STT3B: variants seen among roughly 807,000 people sequenced by gnomAD.
STT3B encodes dolichyl-diphosphooligosaccharide--protein glycosyltransferase subunit STT3B.
A neutral mutation model predicts 96.8 loss-of-function variants in STT3B; 29 were observed. The observed-to-expected ratio is 0.30, with a 90% CI of 0.22 to 0.41. The LOEUF is 0.41. STT3B is among the 10% of genes least tolerant of loss of function. STT3B has a pLI of 1.00. For synonymous variants in STT3B, 367 were observed against 360.0 expected (o/e 1.02, Z -0.22); for missense variants, 640 against 1,022.3 (o/e 0.63, Z 5.10).
intron 14 of STT3B, among the ~76,000 whole-genome samples, chr3:31,630,293 G>C (rs950062501): frequency 6.6e-6 from 1 of 152,298 alleles, no homozygotes; most frequent in South Asian, 2.1e-4. Context: ...CCCAGAGAAA[G>C]CACCAGAGGA....
intron 1 of STT3B, among the ~76,000 whole-genome samples, chr3:31,556,099 A>C (rs962636392): frequency 6.0e-5 from 9 of 149,450 alleles, no homozygotes; most frequent in African/African-American, 2.0e-4. Flanking sequence ...TGTCTACCTC[A>C]CTGAGATCAA....
At chr3:31,563,867 G>A (rs1050519726) in intron 1 of STT3B, among the ~76,000 whole-genome samples, 18 of 152,008 alleles carry the variant, frequency 1.2e-4, no homozygotes, top group African/African-American at 2.4e-4. Flanking sequence ...TGTAGTGGGC[G>A]CGATCTTGGC....
At chr3:31,569,473 A>G (rs1053970756) in intron 1 of STT3B, among the ~76,000 whole-genome samples, 1 of 152,216 alleles carries the variant, frequency 6.6e-6, no homozygotes, top group Non-Finnish European at 1.5e-5. Flanking sequence ...AATCAGGTTA[A>G]GAGAAGTTGG....
intron 1 of STT3B, among the ~76,000 whole-genome samples, chr3:31,571,840 G>A (rs375883290): frequency 1.3e-5 from 2 of 150,746 alleles, no homozygotes; most frequent in African/African-American, 2.4e-5. Flanking sequence ...ATCAGACTAT[G>A]CTTTGTTTAG....
chr3:31,625,599 G>A (rs1461159477), intron 12 of STT3B, among the ~76,000 whole-genome samples: 2 of 152,194 alleles, frequency 1.3e-5, no homozygotes, highest in African/African-American at 4.8e-5. Flanking sequence ...ATGCTAGACT[G>A]GGGAGAAGAA....
At chr3:31,592,056 C>T (rs1698676247) in intron 3 of STT3B, among the ~76,000 whole-genome samples, 1 of 152,034 alleles carries the variant, frequency 6.6e-6, no homozygotes, top group Non-Finnish European at 1.5e-5. Flanking sequence ...CCATCACCAC[C>T]ATCCATCTCC....
At chr3:31,582,245 A>G (rs891384363) in intron 3 of STT3B, among the ~76,000 whole-genome samples, 2 of 147,948 alleles carry the variant, frequency 1.4e-5, no homozygotes, top group African/African-American at 2.5e-5. Context: ...TTTATTATTT[A>G]TTCAATTTTG....
chr3:31,582,548 C>T (rs566255813), intron 3 of STT3B, among the ~76,000 whole-genome samples: 1 of 152,184 alleles, frequency 6.6e-6, no homozygotes, highest in African/African-American at 2.4e-5. Context: ...CCACCTCGGC[C>T]TCCCAAAGTG....
At chr3:31,631,523 T>G (rs1699665711) in intron 14 of STT3B, among the ~76,000 whole-genome samples, 1 of 152,234 alleles carries the variant, frequency 6.6e-6, no homozygotes, top group African/African-American at 2.4e-5. Context: ...CAGCATACAT[T>G]CATTTTGATG....
chr3:31,543,691 G>A (rs975091783), intron 1 of STT3B, among the ~76,000 whole-genome samples: 1 of 152,206 alleles, frequency 6.6e-6, no homozygotes, highest in African/African-American at 2.4e-5. Context: ...AAGAGTTGAT[G>A]AAGAAAAGGG....
intron 15 of STT3B, among the ~76,000 whole-genome samples, chr3:31,633,682 A>G (rs930491536): frequency 2.0e-5 from 3 of 152,108 alleles, no homozygotes; most frequent in African/African-American, 7.2e-5. Context: ...TTCTTTTCTA[A>G]TATTATATAA....
intron 1 of STT3B, among the ~76,000 whole-genome samples, chr3:31,547,398 C>T (rs1697442347): frequency 6.6e-6 from 1 of 152,094 alleles, no homozygotes; most frequent in African/African-American, 2.4e-5. Flanking sequence ...TGGCTCACAC[C>T]TGTCATTTCC....
At chr3:31,606,648 A>T (rs1445864027) in intron 5 of STT3B, among the ~76,000 whole-genome samples, 2 of 152,204 alleles carry the variant, frequency 1.3e-5, no homozygotes, top group Non-Finnish European at 2.9e-5. Flanking sequence ...TCCAGGCAGA[A>T]GTTTGCTGGA....
intron 1 of STT3B, among the ~76,000 whole-genome samples, chr3:31,556,369 G>A (rs1384946257): frequency 3.3e-5 from 5 of 152,128 alleles, no homozygotes; most frequent in Admixed American, 1.3e-4. Context: ...ACGTGTGAAC[G>A]CACGTGTCCC....
intron 3 of STT3B, among the ~76,000 whole-genome samples, chr3:31,585,290 G>A (rs1698510532): frequency 6.6e-6 from 1 of 152,038 alleles, no homozygotes; most frequent in Admixed American, 6.5e-5. Flanking sequence ...TTTTCTCTTG[G>A]TTTGATTTCC....
rs1192652159 is a variant in STT3B, at chr3:31,637,575, A to T, written c.*1511A>T. The T allele has an allele frequency of 6.6e-6, 1 of 152,168 alleles. No individual in the cohort carries two copies. The highest frequency in any genetic ancestry group is 2.4e-5 in the African/African-American group (1 of 41,436). 9.4% of individuals were successfully genotyped at this position (152,168 alleles called of 1,614,324 possible). Reference sequence around the variant, plus strand: ...TGTTGCTTTAAAATTCAATGCAGAGAAGTTGTTGACTGTAGGGGAAATAAA... The same window carrying T: ...TGTTGCTTTAAAATTCAATGCAGAGTAGTTGTTGACTGTAGGGGAAATAAA... On this transcript the variant is annotated 3_prime_UTR_variant, in exon 16 of 16. Coordinates refer to ENST00000295770, the MANE Select transcript of STT3B (RefSeq NM_178862.3).
intron 1 of STT3B, among the ~76,000 whole-genome samples, chr3:31,549,052 T>A (rs1470717200): frequency 7.2e-5 from 11 of 152,132 alleles, no homozygotes; most frequent in Admixed American, 3.3e-4. Context: ...AATTTTTTTT[T>A]AATTAATGTT....
rs772731181 is a variant in STT3B at position 31,600,341 on chromosome 3, A to G, written c.778-19A>G. 3 of 1,108,684 alleles carry G rather than the reference A, an allele frequency of 2.7e-6. No individual in the cohort carries two copies. The highest frequency in any genetic ancestry group is 1.3e-6 in the Non-Finnish European group (1 of 747,702). The allele number at this position is 1,108,684 out of a possible 1,614,324, so 68.7% of individuals were successfully genotyped here. A position where few individuals can be genotyped will look rare whatever the true frequency, so the allele number is the denominator to read the frequency against. ...AAAAGTAAAAATATATATTTAACTT[A>G]GCACTTCTTTTCCTATAGGTCTCTG... On this transcript the variant is annotated intron_variant, in intron 4 of 15. Coordinates refer to ENST00000295770, the MANE Select transcript of STT3B (RefSeq NM_178862.3).
At chr3:31,613,432 T>G (rs953613127) in intron 5 of STT3B, among the ~76,000 whole-genome samples, 1 of 152,114 alleles carries the variant, frequency 6.6e-6, no homozygotes, top group Admixed American at 6.5e-5. Context: ...CAGTTTCTAG[T>G]TGTGCCTTTG....
Sources: allele counts gnomAD v4.1 joint callset (sites outside exome capture counted in the v4.1 genomes callset), GRCh38; gene constraint gnomAD v4.1.1; transcripts MANE v1.5; gene names NCBI Gene and HGNC (gene_info 2026-07-23, HGNC 2026-07-21).